VEPH1: variants seen among roughly 807,000 people sequenced by gnomAD.
The protein encoded by VEPH1 is ventricular zone expressed PH domain containing 1.
In VEPH1, 80 loss-of-function variants were observed where a neutral mutation model predicts 85.2. The observed-to-expected ratio is 0.94, with a 90% CI of 0.78 to 1.13. The LOEUF (loss-of-function observed/expected upper bound fraction) is 1.13. Among genes scored for constraint, VEPH1 ranks in the 50% most tolerant of loss-of-function variants. VEPH1 has a pLI of 0.00. For missense variants in VEPH1, 955 were observed against 980.5 expected, an observed-to-expected ratio of 0.97 and a Z score of 0.35; for synonymous variants, 297 against 348.0, an observed-to-expected ratio of 0.85 and a Z score of 1.63.
intron 2 of VEPH1, among the ~76,000 whole-genome samples, chr3:157,475,143 C>A: frequency 6.8e-6 from 1 of 146,214 alleles, no homozygotes; most frequent in South Asian, 2.1e-4. Flanking sequence ...CCATTCCCAG[C>A]TAATTTTTTT....
At chr3:157,489,572 A>G (rs1012430019) in intron 2 of VEPH1, among the ~76,000 whole-genome samples, 2 of 152,146 alleles carry the variant, frequency 1.3e-5, no homozygotes, top group Non-Finnish European at 2.9e-5. Context: ...TTGAAATTTC[A>G]AGCCTCCGAT....
chr3:157,442,446 G>A, intron 4 of VEPH1: 1 of 1,614,188 alleles, frequency 6.2e-7, no homozygotes. Context: ...AATGAGGCTT[G>A]AGTCTTTTAG....
intron 7 of VEPH1, among the ~76,000 whole-genome samples, chr3:157,380,202 T>A (rs1377096777): frequency 6.6e-6 from 1 of 152,140 alleles, no homozygotes; most frequent in African/African-American, 2.4e-5. Context: ...GTCAATAATT[T>A]CCTCATGGCC....
At chr3:157,351,739 A>C (rs1253504620) in intron 9 of VEPH1, among the ~76,000 whole-genome samples, 1 of 152,132 alleles carries the variant, frequency 6.6e-6, no homozygotes, top group African/African-American at 2.4e-5. Flanking sequence ...GGTGATGTTG[A>C]TGTTGTTGGT....
chr3:157,306,032 C>A (rs937815187), intron 11 of VEPH1, among the ~76,000 whole-genome samples: 1 of 152,174 alleles, frequency 6.6e-6, no homozygotes, highest in Admixed American at 6.5e-5. Flanking sequence ...GTCAAACCTA[C>A]CAATTCTTTA....
At chr3:157,324,956 A>T (rs1425868132) in intron 9 of VEPH1, among the ~76,000 whole-genome samples, 2 of 152,200 alleles carry the variant, frequency 1.3e-5, no homozygotes, top group African/African-American at 2.4e-5. Context: ...TCCCACCAAC[A>T]GTGTAAAAGC....
intron 11 of VEPH1, among the ~76,000 whole-genome samples, chr3:157,299,284 C>T (rs538375381): frequency 1.1e-4 from 16 of 152,052 alleles, no homozygotes; most frequent in Middle Eastern, 3.4e-3. Context: ...CATGGCCAAA[C>T]GCAGTGGCTC....
intron 12 of VEPH1, among the ~76,000 whole-genome samples, chr3:157,269,639 G>GTTTTTTTTTTTTT (rs1173218297): frequency 3.8e-5 from 3 of 78,548 alleles, no homozygotes; most frequent in African/African-American, 9.6e-5. Context: ...TTTTGTTTTT[G>GTTTTTTTTTTTTT]TTGTTTTTTT....
intron 4 of VEPH1, among the ~76,000 whole-genome samples, chr3:157,443,898 T>C (rs1256676354): frequency 6.6e-6 from 1 of 152,338 alleles, no homozygotes; most frequent in East Asian, 1.9e-4. Context: ...CTTATACAAC[T>C]TTCTGTACTG....
intron 11 of VEPH1, among the ~76,000 whole-genome samples, chr3:157,308,639 T>C (rs898164169): frequency 1.3e-4 from 20 of 152,186 alleles, no homozygotes; most frequent in African/African-American, 4.8e-4. Context: ...TACCATCACT[T>C]CATAAGAGAT....
chr3:157,450,048 C>T (rs1439019944), intron 4 of VEPH1, among the ~76,000 whole-genome samples: 55 of 77,308 alleles, frequency 7.1e-4, no homozygotes, highest in Admixed American at 1.5e-3. Context: ...AGAATATTTA[C>T]TTTTTTTTTT....
Position 157,265,593 on chromosome 3 carries a change from A to T in VEPH1, c.2198T>A (p.Ile733Asn), listed in dbSNP as rs1713527640. ...LKEKQVRWKFIKRWKTRYFTL... is the reference protein window; with the variant it reads ...LKEKQVRWKFNKRWKTRYFTL... ...AAAATAGCGTGTTTTCCACCTTTTG[A>T]TGAACTTCCATCTGACTTGCTTCTC... is the stretch of plus-strand genomic sequence containing the variant. The change falls in exon 13 of 14, where the codon ATC (isoleucine) becomes AAC (asparagine). Residue 733 changes from isoleucine to asparagine, a missense_variant. Transcript: ENST00000362010. The T allele has an allele frequency of 1.9e-6, 3 of 1,613,680 alleles. No individual in the cohort carries two copies. The highest frequency in any genetic ancestry group is 2.5e-6 in the Non-Finnish European group (3 of 1,179,774).
At chr3:157,472,830 T>C (rs1417580933) in intron 2 of VEPH1, among the ~76,000 whole-genome samples, 1 of 152,176 alleles carries the variant, frequency 6.6e-6, no homozygotes, top group Non-Finnish European at 1.5e-5. Context: ...TCCATGTTCC[T>C]ACAAATAACA....
chr3:157,306,979 A>T (rs573355678), intron 11 of VEPH1, among the ~76,000 whole-genome samples: 8 of 152,038 alleles, frequency 5.3e-5, no homozygotes, highest in Non-Finnish European at 1.0e-4. Flanking sequence ...TTCACTTAGA[A>T]TAATGGCCTC....
intron 13 of VEPH1, 44 bp from the exon 14 acceptor site, chr3:157,261,414 T>A: frequency 1.2e-6 from 2 of 1,600,850 alleles, no homozygotes; most frequent in Non-Finnish European, 8.5e-7. Context: ...GCTGTTACTG[T>A]AGGCAAGGAT....
intron 6 of VEPH1, among the ~76,000 whole-genome samples, chr3:157,407,683 C>T (rs1731247732): frequency 6.6e-6 from 1 of 152,086 alleles, no homozygotes; most frequent in African/African-American, 2.4e-5. Flanking sequence ...TAAGCCATTT[C>T]CCTAGTTTTC....
chr3:157,349,149 A>C (rs1049906067), intron 9 of VEPH1, among the ~76,000 whole-genome samples: 2 of 152,244 alleles, frequency 1.3e-5, no homozygotes, highest in Admixed American at 6.5e-5. Context: ...AATCTAACAA[A>C]TCAAATCTAA....
intron 12 of VEPH1, among the ~76,000 whole-genome samples, chr3:157,277,864 C>T (rs1715597166): frequency 6.6e-6 from 1 of 152,176 alleles, no homozygotes; most frequent in Non-Finnish European, 1.5e-5. Context: ...AAAAGAGATG[C>T]TGTAAATGTC....
rs767689760 is a variant in VEPH1, at chr3:157,495,385, A to G, written c.-36T>C. 7.5e-6 allele frequency: 12 copies of G among 1,608,784 alleles called. No individual in the cohort carries two copies. In the South Asian group the frequency reaches 1.2e-4, roughly 16 times the overall value. On this transcript the variant is annotated 5_prime_UTR_variant, in exon 2 of 14. Transcript: ENST00000362010. ...AGTTTGATCAGTTGACTTTCTACAGACCCAGAGTCATGTGTTCCAGTTATC... is the reference window on the plus strand; with the variant it reads ...AGTTTGATCAGTTGACTTTCTACAGGCCCAGAGTCATGTGTTCCAGTTATC...
Sources: allele counts gnomAD v4.1 joint callset (sites outside exome capture counted in the v4.1 genomes callset), GRCh38; gene constraint gnomAD v4.1.1; transcripts MANE v1.5; gene names NCBI Gene and HGNC (gene_info 2026-07-23, HGNC 2026-07-21).